Variants in CCDC172 observed in about 807,000 individuals in gnomAD.
CCDC172 encodes the protein coiled-coil domain-containing protein 172.
In CCDC172, 30 loss-of-function variants were observed where a neutral mutation model predicts 38.0. The ratio of observed to expected loss-of-function variants is 0.79; its 90% CI spans 0.59 to 1.07. The LOEUF (loss-of-function observed/expected upper bound fraction) is 1.07, where lower values mean the gene tolerates loss of function less well. CCDC172 is among the 50% of genes least tolerant of loss of function. The pLI is 0.00. For missense variants in CCDC172, 297 were observed against 290.1 expected, an observed-to-expected ratio of 1.02 and a Z score of -0.17; for synonymous variants, 78 against 88.3, an observed-to-expected ratio of 0.88 and a Z score of 0.66.
chr10:116,353,829 G>T (rs1844961557), intron 5 of CCDC172, among the ~76,000 whole-genome samples: 1 of 152,222 alleles, frequency 6.6e-6, no homozygotes, highest in Non-Finnish European at 1.5e-5. Context: ...ACCACAATGA[G>T]ATACCACTAG....
At chr10:116,333,673 T>C (rs988333790) in intron 3 of CCDC172, among the ~76,000 whole-genome samples, 3 of 152,182 alleles carry the variant, frequency 2.0e-5, no homozygotes, top group African/African-American at 7.2e-5. Flanking sequence ...CAGTACAAGA[T>C]GTTCTTGACC....
At position 116,356,386 on chromosome 10, in the gene CCDC172, G is replaced by GAGA. The variant is rs1226690973; in HGVS notation, c.449-994_449-993insAGA. On this transcript the variant is annotated intron_variant, in intron 5 of 8. Transcript: ENST00000333254. Reference sequence around the variant, plus strand: ...GGGAGGAGGAAGAAGAGGGGAGGGAGGGAGGAAGGAAGGAAGGAAGGAAGG... The same window carrying GAGA: ...GGGAGGAGGAAGAAGAGGGGAGGGAGAGAGGAGGAAGGAAGGAAGGAAGGAAGG... Among the ~76,000 whole-genome samples the GAGA allele has an allele frequency of 4.0e-5, 6 of 151,080 alleles. No homozygotes were observed. In the East Asian group the frequency reaches 1.2e-3, roughly 29 times the overall value.
intron 3 of CCDC172, among the ~76,000 whole-genome samples, chr10:116,330,924 G>A (rs73374917): frequency 2.0e-5 from 3 of 151,834 alleles, no homozygotes; most frequent in African/African-American, 7.3e-5. Context: ...TTGTTTTCTA[G>A]AGACAGGGTC....
intron 5 of CCDC172, among the ~76,000 whole-genome samples, chr10:116,348,593 A>T (rs1188100405): frequency 1.3e-5 from 2 of 152,160 alleles, no homozygotes; most frequent in Non-Finnish European, 2.9e-5. Context: ...GAGATTGCCA[A>T]AATGTGAACA....
chr10:116,328,693 T>G (rs1844620815), intron 3 of CCDC172, among the ~76,000 whole-genome samples: 1 of 152,086 alleles, frequency 6.6e-6, no homozygotes, highest in Non-Finnish European at 1.5e-5. Flanking sequence ...AAAGGAAAAT[T>G]GTATTGAAAT....
At position 116,357,818 on chromosome 10, in the gene CCDC172, A is replaced by G. The variant is rs77897018; in HGVS notation, c.551-18A>G. On this transcript the variant is annotated intron_variant, in intron 6 of 8. Transcript: ENST00000333254. ...GTTTAATTTTCAAAAGATTGCAACT[A>G]TTTTTTGATTTGTTTAGTTTTTGAA... is the stretch of plus-strand genomic sequence containing the variant. 3.0e-3 allele frequency: 3,730 copies of G among 1,235,612 alleles called. 145 individuals are homozygous for G. In the East Asian group the frequency reaches 0.082, roughly 27 times the overall value. The allele number at this position is 1,235,612 out of a possible 1,614,324, so 76.5% of individuals were successfully genotyped here.
chr10:116,325,437 A>G (rs1370458863), intron 3 of CCDC172, 49 bp downstream of exon 3: 2 of 1,458,682 alleles, frequency 1.4e-6, no homozygotes, highest in South Asian at 1.2e-5. Flanking sequence ...AGCCTGCCTT[A>G]ACTTGACTTT....
At chr10:116,348,620 ATAT>A (rs1294789321) in intron 5 of CCDC172, among the ~76,000 whole-genome samples, 2 of 152,148 alleles carry the variant, frequency 1.3e-5, no homozygotes, top group African/African-American at 2.4e-5. Flanking sequence ...TTTAAAAAAG[ATAT>A]TATTAATACT....
chr10:116,367,744 T>G (rs1221609181), intron 7 of CCDC172, among the ~76,000 whole-genome samples: 3 of 152,154 alleles, frequency 2.0e-5, no homozygotes, highest in Non-Finnish European at 4.4e-5. Context: ...TATATTAATA[T>G]TTCCCCTGTT....
chr10:116,352,915 C>G (rs957273707), intron 5 of CCDC172, among the ~76,000 whole-genome samples: 1 of 151,970 alleles, frequency 6.6e-6, no homozygotes, highest in Non-Finnish European at 1.5e-5. Context: ...TAAACAAGGC[C>G]GGGCACAGTG....
chr10:116,357,039 G>A (rs1420350810), intron 5 of CCDC172, among the ~76,000 whole-genome samples: 3 of 152,110 alleles, frequency 2.0e-5, no homozygotes, highest in South Asian at 2.1e-4. Flanking sequence ...AATTGCTGAC[G>A]TAAGGCAAAG....
At chr10:116,369,576 T>G (rs1264306721) in intron 7 of CCDC172, among the ~76,000 whole-genome samples, 2 of 152,084 alleles carry the variant, frequency 1.3e-5, no homozygotes, top group African/African-American at 4.8e-5. Context: ...TATATAATAC[T>G]TCATTGTAAT....
chr10:116,364,527 TA>T (rs976075170), intron 7 of CCDC172, among the ~76,000 whole-genome samples: 50 of 148,424 alleles, frequency 3.4e-4, no homozygotes, highest in South Asian at 1.3e-3. Context: ...TTATTTATGG[TA>T]AAAAAAAAAC....
At chr10:116,339,589 C>G (rs1047435841) in intron 3 of CCDC172, among the ~76,000 whole-genome samples, 2 of 151,850 alleles carry the variant, frequency 1.3e-5, no homozygotes, top group Admixed American at 6.6e-5. Context: ...TAATCTTTCT[C>G]TATTGATGCC....
intron 7 of CCDC172, among the ~76,000 whole-genome samples, chr10:116,373,390 G>A (rs1589960539): frequency 6.6e-6 from 1 of 152,232 alleles, no homozygotes; most frequent in East Asian, 1.9e-4. Flanking sequence ...TATATTTTAG[G>A]TTTATAGCAT....
intron 5 of CCDC172, among the ~76,000 whole-genome samples, chr10:116,350,442 A>C (rs1844916914): frequency 6.6e-6 from 1 of 152,180 alleles, no homozygotes; most frequent in Admixed American, 6.5e-5. Flanking sequence ...AATAAGTGTT[A>C]AGGTTGACTT....
At chr10:116,368,582 G>A (rs1286995013) in intron 7 of CCDC172, among the ~76,000 whole-genome samples, 4 of 151,812 alleles carry the variant, frequency 2.6e-5, no homozygotes, top group African/African-American at 9.7e-5. Context: ...TTCTGTGTGG[G>A]TTTTTAAAAA....
chr10:116,345,738 A>T (rs1030794080), intron 5 of CCDC172, among the ~76,000 whole-genome samples: 1 of 152,212 alleles, frequency 6.6e-6, no homozygotes, highest in Admixed American at 6.5e-5. Flanking sequence ...ATACAAATTA[A>T]AACGGCAGTG....
chr10:116,359,613 C>T lies in CCDC172; in HGVS notation c.653+1675C>T, dbSNP rs1424507972. Among the ~76,000 whole-genome samples, 3 of 152,156 alleles carry T rather than the reference C, an allele frequency of 2.0e-5. No individual in the cohort carries two copies. The East Asian group carries it at 5.8e-4, about 29-fold the overall frequency. On this transcript the variant is annotated intron_variant, in intron 7 of 8. Coordinates refer to ENST00000333254, the MANE Select transcript of CCDC172 (RefSeq NM_198515.3). ...TGTGGCAACCAAAAATGTCTCCAGACATTGCAAAATGTCCGCTGGGGAAGG... is the reference window on the plus strand; with the variant it reads ...TGTGGCAACCAAAAATGTCTCCAGATATTGCAAAATGTCCGCTGGGGAAGG...
Sources: allele counts gnomAD v4.1 joint callset (sites outside exome capture counted in the v4.1 genomes callset), GRCh38; gene constraint gnomAD v4.1.1; transcripts MANE v1.5; gene names NCBI Gene and HGNC (gene_info 2026-07-23, HGNC 2026-07-21).